MMP15: variants seen among roughly 807,000 people sequenced by gnomAD.
The protein encoded by MMP15 is matrix metalloproteinase-15.
Under a neutral mutation model 65.0 loss-of-function variants are expected in MMP15, and 36 were observed. That is an observed-to-expected ratio of 0.55 (90% CI 0.42 to 0.73). MMP15 has a LOEUF of 0.73. Among genes scored for constraint, MMP15 ranks in the 30% least tolerant of loss-of-function variants. The pLI is 0.00. For missense variants in MMP15, 870 were observed against 987.8 expected (o/e 0.88, Z 1.60); for synonymous variants, 428 against 410.2 (o/e 1.04, Z -0.52).
intron 1 of MMP15, among the ~76,000 whole-genome samples, chr16:58,034,212 C>A (rs1247360989): frequency 1.3e-5 from 2 of 152,238 alleles, no homozygotes; most frequent in African/African-American, 4.8e-5. Context: ...TTTACAGTCA[C>A]CAGGAGGAGC....
In MMP15 at chr16:58,041,817, G is replaced by A. The variant is rs777828191; in HGVS notation, c.1111G>A (p.Asp371Asn). Residue 371 changes from aspartate (D) to asparagine (N), a missense_variant, in exon 6 of 10, where the codon GAC becomes AAC. Asp to Asn is a conservative substitution (Grantham distance 23, BLOSUM62 1). Transcript: ENST00000219271. ...RPDQYGPNIC[D>N]GDFDTVAMLR... is the part of the protein sequence containing the mutation. ...CGACCAGTATGGCCCCAACATCTGC[G>A]ACGGGGACTTTGACACAGTGGCCAT... 2.2e-5 allele frequency: 35 copies of A among 1,611,882 alleles called. No individual in the cohort carries two copies. The highest frequency in any genetic ancestry group is 2.8e-5 in the Non-Finnish European group (33 of 1,179,040).
At chr16:58,036,084 G>A (rs946466302) in intron 1 of MMP15, among the ~76,000 whole-genome samples, 3 of 152,186 alleles carry the variant, frequency 2.0e-5, no homozygotes, top group African/African-American at 4.8e-5. Flanking sequence ...CTGGGCCCTC[G>A]GGGTGCAGCC....
Position 58,043,263 on chromosome 16 carries a change from C to T in MMP15, c.1357C>T (p.Pro453Ser). ...GAACCTGGAGCCCGGCTACCCACAG[C>T]CGCTGACCAGCTATGGCCTGGGCAT... Reference protein sequence around the residue: ...EANLEPGYPQPLTSYGLGIPY... With the variant: ...EANLEPGYPQSLTSYGLGIPY... The change falls in exon 8 of 10, where the codon CCG becomes TCG. Residue 453 changes from proline to serine, a missense_variant. Physicochemically the swap from Pro to Ser is moderately conservative, Grantham distance 74. Coordinates refer to ENST00000219271, the MANE Select transcript of MMP15 (RefSeq NM_002428.4). The T allele has an allele frequency of 2.5e-6, 4 of 1,602,366 alleles. No homozygotes were observed. The highest frequency in any genetic ancestry group is 3.4e-6 in the Non-Finnish European group (4 of 1,173,890).
intron 1 of MMP15, among the ~76,000 whole-genome samples, chr16:58,028,069 A>C (rs944281972): frequency 6.6e-6 from 1 of 152,206 alleles, no homozygotes; most frequent in Non-Finnish European, 1.5e-5. Context: ...CATAGGAAGC[A>C]GTGATGGAAT....
chr16:58,039,213 A>G (rs543179195), intron 3 of MMP15, among the ~76,000 whole-genome samples: 1 of 152,256 alleles, frequency 6.6e-6, no homozygotes, highest in Non-Finnish European at 1.5e-5. Context: ...TGGGTGGATC[A>G]GCTGAGGTCG....
chr16:58,026,440 G>T lies in MMP15; in HGVS notation c.90G>T (p.Leu30=). 6.9e-7 allele frequency: 1 copy of T among 1,452,900 alleles called. No homozygotes were observed. The highest frequency in any genetic ancestry group is 9.0e-7 in the Non-Finnish European group (1 of 1,105,542). 90.0% of individuals were successfully genotyped at this position (1,452,900 alleles called of 1,614,324 possible). ...AGGAGGCGGCGCGGCCGCGACTGCT[G>T]CCGCTGCTCCTGGTGCTTCTGGGCT... ...DREEAARPRL[L]PLLLVLLGCL... is the part of the protein sequence containing the mutation. The change falls in exon 1 of 10, where the codon CTG becomes CTT. Residue 30 remains leucine (L), a synonymous_variant. Transcript: ENST00000219271.
chr16:58,034,621 G>A (rs756797502), intron 1 of MMP15, among the ~76,000 whole-genome samples: 15 of 152,322 alleles, frequency 9.8e-5, no homozygotes, highest in African/African-American at 2.9e-4. Flanking sequence ...CGCCAAGGCC[G>A]TGTTTCTGCC....
intron 6 of MMP15, 109 bp downstream of exon 6, chr16:58,041,979 C>G: frequency 1.5e-6 from 2 of 1,344,946 alleles, no homozygotes; most frequent in South Asian, 1.5e-5. Flanking sequence ...GCCCTCAGCT[C>G]TAGATGGGGA....
At chr16:58,039,730 C>G in intron 3 of MMP15, 145 bp from the exon 4 acceptor site, 1 of 755,432 alleles carries the variant, frequency 1.3e-6, no homozygotes, top group Non-Finnish European at 2.1e-6. Flanking sequence ...TTGACAAATT[C>G]AAATTATGAT....
intron 3 of MMP15, 114 bp downstream of exon 3, chr16:58,038,508 G>T: frequency 1.5e-6 from 2 of 1,373,754 alleles, no homozygotes; most frequent in Non-Finnish European, 2.0e-6. Flanking sequence ...CCGCTTTCAC[G>T]CTGATGAGAC....
intron 6 of MMP15, 35 bp from the exon 7 acceptor site, chr16:58,042,196 G>A: frequency 2.5e-6 from 4 of 1,597,274 alleles, no homozygotes; most frequent in Non-Finnish European, 3.4e-6. Flanking sequence ...AAGGCAGCTT[G>A]CCTGCGCTGC....
chr16:58,033,458 G>A (rs1467271333), intron 1 of MMP15, among the ~76,000 whole-genome samples: 1 of 152,258 alleles, frequency 6.6e-6, no homozygotes, highest in African/African-American at 2.4e-5. Context: ...GCTGGAATGG[G>A]TGGCTGGCCC....
chr16:58,028,462 C>T (rs1412588103), intron 1 of MMP15, among the ~76,000 whole-genome samples: 2 of 152,182 alleles, frequency 1.3e-5, no homozygotes, highest in African/African-American at 2.4e-5. Context: ...GCTTTGGGTA[C>T]AGGCTGCTTC....
intron 1 of MMP15, among the ~76,000 whole-genome samples, chr16:58,029,831 T>TC (rs1963871391): frequency 6.6e-6 from 1 of 150,792 alleles, no homozygotes; most frequent in Non-Finnish European, 1.5e-5. Flanking sequence ...AAGAAGACTT[T>TC]CCCCAAAAGC....
chr16:58,040,635 T>C lies in MMP15; in HGVS notation c.847T>C (p.Trp283Arg). ...PNAIMAPFYQWKDVDNFKLPE... is the reference protein window; with the variant it reads ...PNAIMAPFYQRKDVDNFKLPE... ...TGCCATCATGGCGCCGTTCTACCAGTGGAAGGACGTTGACAACTTCAAGCT... is the reference window on the plus strand; with the variant it reads ...TGCCATCATGGCGCCGTTCTACCAGCGGAAGGACGTTGACAACTTCAAGCT... Residue 283 changes from tryptophan (W) to arginine (R), a missense_variant, in exon 5 of 10, where the codon TGG becomes CGG. Coordinates refer to ENST00000219271, the MANE Select transcript of MMP15 (RefSeq NM_002428.4). 6.2e-7 allele frequency: 1 copy of C among 1,614,156 alleles called. No homozygotes were observed. The highest frequency in any genetic ancestry group is 8.5e-7 in the Non-Finnish European group (1 of 1,180,034).
At chr16:58,037,000 A>C (rs2142327253) in intron 1 of MMP15, among the ~76,000 whole-genome samples, 1 of 152,336 alleles carries the variant, frequency 6.6e-6, no homozygotes, top group African/African-American at 2.4e-5. Flanking sequence ...CGTGTCAGAG[A>C]AGACCTCTTA....
At chr16:58,028,061 T>G (rs912783208) in intron 1 of MMP15, among the ~76,000 whole-genome samples, 3 of 152,128 alleles carry the variant, frequency 2.0e-5, no homozygotes, top group Non-Finnish European at 4.4e-5. Context: ...CGTCAATACA[T>G]AGGAAGCAGT....
chr16:58,038,465 G>T, intron 3 of MMP15, 71 bp downstream of exon 3: 1 of 1,589,532 alleles, frequency 6.3e-7, no homozygotes. Context: ...CTTTCCCAGA[G>T]CCCACCTCGG....
Position 58,043,200 on chromosome 16 carries a change from C to G in MMP15, c.1304-10C>G, listed in dbSNP as rs766864123. ...GCCTGACCTCACTGTGCCTGCCACC[C>G]CTCCTGTAGGTGACCGCTACTGGCT... On this transcript the variant is annotated splice_polypyrimidine_tract_variant and intron_variant, in intron 7 of 9. Coordinates refer to ENST00000219271, the MANE Select transcript of MMP15 (RefSeq NM_002428.4). 6.3e-7 allele frequency: 1 copy of G among 1,575,634 alleles called. No individual in the cohort carries two copies. Among genetic ancestry groups the G allele is most frequent in the Non-Finnish European group, 8.6e-7 (1 of 1,158,140 alleles).
Sources: gnomAD v4.1 joint callset for allele counts (sites outside exome capture counted in the v4.1 genomes callset) on GRCh38, gnomAD v4.1.1 for gene constraint, MANE v1.5 for transcripts, NCBI Gene and HGNC (gene_info 2026-07-23, HGNC 2026-07-21) for gene names.